The following FAM53A variants were observed in gnomAD, a reference collection of about 807,000 sequenced individuals.
FAM53A encodes the protein family with sequence similarity 53 member A, also known as protein FAM53A.
In FAM53A, 28 loss-of-function variants were observed where a neutral mutation model predicts 26.6. The ratio of observed to expected loss-of-function variants is 1.05; its 90% CI spans 0.78 to 1.45. The LOEUF (loss-of-function observed/expected upper bound fraction) is 1.45. Among genes scored for constraint, FAM53A ranks in the 40% most tolerant of loss-of-function variants. The probability of loss-of-function intolerance (pLI) is 0.00; values close to 1 mark genes in which losing one functional copy is unlikely to be tolerated. For synonymous variants in FAM53A, 290 were observed against 253.1 expected (o/e 1.15, Z -1.38); for missense variants, 650 against 575.8 (o/e 1.13, Z -1.32).
intron 1 of FAM53A, among the ~76,000 whole-genome samples, chr4:1,677,628 T>C (rs1715132918): frequency 6.6e-6 from 1 of 152,220 alleles, no homozygotes; most frequent in Non-Finnish European, 1.5e-5. Context: ...TCCTCTGATG[T>C]TGCTCACTCT....
chr4:1,602,775 C>T, the FAM53A span, among the ~76,000 whole-genome samples: 12 of 152,124 alleles, frequency 7.9e-5, no homozygotes, highest in Non-Finnish European at 1.3e-4. Context: ...CCAGGGGTCT[C>T]GGCCCACCCA....
At chr4:1,685,345 G>A (rs1577170635), upstream of FAM53A, among the ~76,000 whole-genome samples, 1 of 152,100 alleles carries the variant, frequency 6.6e-6, no homozygotes, top group Non-Finnish European at 1.5e-5. Flanking sequence ...GGTTTGGTGG[G>A]GGTGGGGAGA....
intron 1 of FAM53A, among the ~76,000 whole-genome samples, chr4:1,619,638 T>G (rs1714941849): frequency 6.6e-6 from 1 of 151,996 alleles, no homozygotes; most frequent in African/African-American, 2.4e-5. Context: ...CCCCCGCCCT[T>G]CATCTCCAGC....
At chr4:1,607,063 G>A in the FAM53A span, among the ~76,000 whole-genome samples, 249 of 152,320 alleles carry the variant, frequency 1.6e-3, 1 homozygote, top group Non-Finnish European at 2.9e-3. Flanking sequence ...CTATCACCCA[G>A]GCTGGAGTGC....
At chr4:1,576,023 C>T in the FAM53A span, among the ~76,000 whole-genome samples, 4 of 152,206 alleles carry the variant, frequency 2.6e-5, no homozygotes, top group Admixed American at 6.5e-5. Flanking sequence ...GCCATCCCAG[C>T]AGCATCTGCA....
At chr4:1,669,872 C>T (rs1267171666) in intron 1 of FAM53A, among the ~76,000 whole-genome samples, 5 of 152,240 alleles carry the variant, frequency 3.3e-5, no homozygotes, top group African/African-American at 7.2e-5. Flanking sequence ...AGTGACGGAA[C>T]GTCCACACAA....
At chr4:1,613,265 C>T (rs751981124), downstream of FAM53A, among the ~76,000 whole-genome samples, 3 of 152,196 alleles carry the variant, frequency 2.0e-5, no homozygotes, top group Admixed American at 6.5e-5. Context: ...GTAGGGGCGC[C>T]GGCAGGTTTG....
chr4:1,656,391 C>G (rs1406785951), intron 3 of FAM53A, among the ~76,000 whole-genome samples: 2 of 152,220 alleles, frequency 1.3e-5, no homozygotes, highest in African/African-American at 4.8e-5. Flanking sequence ...GGAGTCTGCC[C>G]AGTGGCTTGT....
the FAM53A span, among the ~76,000 whole-genome samples, chr4:1,612,483 GCA>G: frequency 6.6e-6 from 1 of 151,922 alleles, no homozygotes; most frequent in Non-Finnish European, 1.5e-5. Context: ...AGGCATGCGC[GCA>G]CACACACACA....
intron 4 of FAM53A, among the ~76,000 whole-genome samples, chr4:1,651,690 G>C (rs1399395753): frequency 6.9e-6 from 1 of 143,900 alleles, no homozygotes; most frequent in Non-Finnish European, 1.6e-5. Context: ...CACCAGCCTG[G>C]GTGACCAGCG....
intron 4 of FAM53A, among the ~76,000 whole-genome samples, chr4:1,649,650 G>A (rs1330476817): frequency 6.6e-6 from 1 of 152,244 alleles, no homozygotes; most frequent in Non-Finnish European, 1.5e-5. Flanking sequence ...GGAGGCCCAT[G>A]TGGCAAAGAA....
chr4:1,596,487 G>A, the FAM53A span, among the ~76,000 whole-genome samples: 26 of 148,312 alleles, frequency 1.8e-4, no homozygotes, highest in East Asian at 6.3e-4. Context: ...AGATGTGGGC[G>A]CTGTTCCCAC....
intron 2 of FAM53A, among the ~76,000 whole-genome samples, chr4:1,660,960 G>A (rs1184513469): frequency 6.6e-6 from 1 of 151,552 alleles, no homozygotes; most frequent in Non-Finnish European, 1.5e-5. Context: ...AGCTGCACAG[G>A]GCTGGAGGAC....
At chr4:1,609,336 T>C in the FAM53A span, among the ~76,000 whole-genome samples, 2 of 151,954 alleles carry the variant, frequency 1.3e-5, no homozygotes, top group African/African-American at 4.8e-5. Context: ...CCTCACTGAC[T>C]CTCACGGGAA....
At chr4:1,629,623 A>C (rs1408966209) in intron 1 of FAM53A, among the ~76,000 whole-genome samples, 1 of 152,186 alleles carries the variant, frequency 6.6e-6, no homozygotes, top group Non-Finnish European at 1.5e-5. Context: ...GCCCAGGGCT[A>C]AGGCAGGGCC....
At position 1,671,460 on chromosome 4, in the gene FAM53A, CGGGA is replaced by C. The variant is rs1427403718; in HGVS notation, c.-164-2559_-164-2556del. 2.6e-4 allele frequency among the ~76,000 whole-genome samples: 2 copies of C among 7,582 alleles called. 1 individual carries two copies. 5.0% of individuals were successfully genotyped at this position (7,582 alleles called of 152,430 possible). On this transcript the variant is annotated intron_variant, in intron 1 of 4. Coordinates refer to ENST00000308132, the MANE Select transcript of FAM53A (RefSeq NM_001174070.3). ...ACCAGCTCACAGCCACAGCCACAGCCGGGACTCACCTCTGTCCCAGCGTCAGAGC... is the reference window on the plus strand; with the variant it reads ...ACCAGCTCACAGCCACAGCCACAGCCCTCACCTCTGTCCCAGCGTCAGAGC...
At chr4:1,661,873 A>G (rs972711054) in intron 2 of FAM53A, among the ~76,000 whole-genome samples, 2 of 151,762 alleles carry the variant, frequency 1.3e-5, no homozygotes, top group African/African-American at 4.8e-5. Flanking sequence ...GTGCACCTCC[A>G]TGCCACGGAG....
At chr4:1,579,389 G>A in the FAM53A span, among the ~76,000 whole-genome samples, 1,593 of 151,920 alleles carry the variant, frequency 0.01, 35 homozygotes, top group African/African-American at 0.037. Flanking sequence ...TACCCCATGG[G>A]GACCGGCATG....
chr4:1,599,688 C>T, the FAM53A span, among the ~76,000 whole-genome samples: 31 of 151,976 alleles, frequency 2.0e-4, 1 homozygote, highest in African/African-American at 7.2e-4. The surrounding 1 kb of genome is among the most constrained non-coding windows in gnomAD (Gnocchi z 6.1). Context: ...TGGGAGGCTG[C>T]GCCCCCTCAC....
Sources: allele counts gnomAD v4.1 joint callset (sites outside exome capture counted in the v4.1 genomes callset), GRCh38; gene constraint gnomAD v4.1.1; non-coding constraint Gnocchi (gnomAD v3.1); transcripts MANE v1.5; gene names NCBI Gene and HGNC (gene_info 2026-07-23, HGNC 2026-07-21).